SLC30A4: variants seen among roughly 807,000 people sequenced by gnomAD.
The protein encoded by SLC30A4 is solute carrier family 30 member 4.
SLC30A4 carries 20 observed loss-of-function variants against 41.7 expected under a neutral mutation model. The ratio of observed to expected loss-of-function variants is 0.48; its 90% CI spans 0.34 to 0.70. The LOEUF (loss-of-function observed/expected upper bound fraction) is 0.70, where lower values mean the gene tolerates loss of function less well. Among genes scored for constraint, SLC30A4 ranks in the 30% least tolerant of loss-of-function variants. The pLI, the probability that SLC30A4 is intolerant of heterozygous loss-of-function variation, is 0.01. For missense variants in SLC30A4, 441 were observed against 529.3 expected, an observed-to-expected ratio of 0.83 and a Z score of 1.64; for synonymous variants, 181 against 195.9, an observed-to-expected ratio of 0.92 and a Z score of 0.64.
chr15:45,514,762 G>A (rs559379690), intron 2 of SLC30A4, among the ~76,000 whole-genome samples: 81 of 152,178 alleles, frequency 5.3e-4, no homozygotes, highest in Admixed American at 1.3e-3. Context: ...TGATCTGCCC[G>A]CCTTGGCGTC....
chr15:45,515,872 C>G (rs1300499312), intron 2 of SLC30A4: 2 of 152,006 alleles, frequency 1.3e-5, no homozygotes, highest in African/African-American at 4.8e-5. Context: ...ACCTTAGCCT[C>G]CTAAGTAGCT....
chr15:45,522,297 G>C lies in SLC30A4; in HGVS notation c.58C>G (p.Pro20Ala). The change falls in exon 2 of 8, where the codon CCG (proline) becomes GCG (alanine). Residue 20 changes from proline to alanine, a missense_variant. By Grantham distance (27) the Pro-to-Ala change is conservative. This residue lies in a region of SLC30A4 where 312 missense variants were observed against 341.9 expected (regional missense o/e 0.91). Transcript: ENST00000261867. The stretch of plus-strand genomic sequence containing the variant: ...GCGCTGGTGTCATTTAAAAACAGCG[G>C]CGCATCATCCTTCCTTAGCATAGAT... ...LKSMLRKDDA[P>A]LFLNDTSAFD... 6.2e-7 allele frequency: 1 copy of C among 1,614,094 alleles called. No individual in the cohort carries two copies.
At chr15:45,515,176 C>T (rs535860059) in intron 2 of SLC30A4, among the ~76,000 whole-genome samples, 2 of 151,838 alleles carry the variant, frequency 1.3e-5, no homozygotes, top group African/African-American at 4.8e-5. Context: ...AGCATGACAC[C>T]GTGCTTGGCT....
At chr15:45,514,427 A>C (rs1892402309) in intron 2 of SLC30A4, among the ~76,000 whole-genome samples, 1 of 151,644 alleles carries the variant, frequency 6.6e-6, no homozygotes, top group African/African-American at 2.4e-5. Flanking sequence ...CCTAAACCAT[A>C]AACTATAGTG....
At chr15:45,502,355 G>T (rs1482943760) in intron 3 of SLC30A4, 1 of 151,084 alleles carries the variant, frequency 6.6e-6, no homozygotes, top group Non-Finnish European at 1.5e-5. Flanking sequence ...AAAGTGCTGG[G>T]ATTACAGGCA....
intron 3 of SLC30A4, among the ~76,000 whole-genome samples, chr15:45,493,653 CTA>C (rs1368096305): frequency 6.6e-6 from 1 of 152,082 alleles, no homozygotes; most frequent in Admixed American, 6.6e-5. Flanking sequence ...TGGTGAAACA[CTA>C]TCTCTACTAA....
At chr15:45,502,241 A>G in intron 3 of SLC30A4, 1 of 151,740 alleles carries the variant, frequency 6.6e-6, no homozygotes. Flanking sequence ...AGCTGGGATT[A>G]TAAGCATGTG....
At chr15:45,496,590 G>A (rs1891910789) in intron 3 of SLC30A4, among the ~76,000 whole-genome samples, 1 of 152,180 alleles carries the variant, frequency 6.6e-6, no homozygotes, top group South Asian at 2.1e-4. Flanking sequence ...GTATCACTAT[G>A]TTGGCCAGGT....
intron 3 of SLC30A4, among the ~76,000 whole-genome samples, chr15:45,492,563 T>C (rs1393915216): frequency 6.6e-6 from 1 of 152,096 alleles, no homozygotes; most frequent in Non-Finnish European, 1.5e-5. Flanking sequence ...TTGTATATAA[T>C]AGCAAATTAT....
intron 6 of SLC30A4, 47 bp downstream of exon 6, chr15:45,487,480 C>A: frequency 1.1e-6 from 1 of 951,880 alleles, no homozygotes; most frequent in Non-Finnish European, 1.7e-6. Flanking sequence ...TCCCAATCTG[C>A]TTTAGGGAAG....
intron 3 of SLC30A4, among the ~76,000 whole-genome samples, chr15:45,503,817 A>G (rs996406021): frequency 6.6e-6 from 1 of 151,984 alleles, no homozygotes; most frequent in African/African-American, 2.4e-5. Context: ...GTGGTGGCAC[A>G]TGCCTGTAAT....
intron 2 of SLC30A4, among the ~76,000 whole-genome samples, chr15:45,513,285 A>C (rs2140853575): frequency 6.6e-6 from 1 of 150,416 alleles, no homozygotes; most frequent in Admixed American, 6.7e-5. Flanking sequence ...AACTCACTGC[A>C]GCCTCAACCT....
intron 3 of SLC30A4, 77 bp from the exon 4 acceptor site, chr15:45,490,958 T>C (rs1054420800): frequency 3.2e-6 from 3 of 944,602 alleles, no homozygotes; most frequent in South Asian, 2.5e-5. Context: ...TATTATATAG[T>C]CTTTTTTATA....
intron 7 of SLC30A4, 87 bp downstream of exon 7, chr15:45,486,524 C>A: frequency 8.3e-7 from 1 of 1,209,704 alleles, no homozygotes; most frequent in South Asian, 1.6e-5. Flanking sequence ...GCAGAAAAGT[C>A]TTCCTACATA....
At chr15:45,512,492 G>A (rs935038823) in intron 2 of SLC30A4, 1 of 152,346 alleles carries the variant, frequency 6.6e-6, no homozygotes. Context: ...CCTGAGCTGG[G>A]TGTGTAGAGA....
intron 3 of SLC30A4, among the ~76,000 whole-genome samples, chr15:45,506,470 A>C (rs1259815128): frequency 6.6e-6 from 1 of 152,092 alleles, no homozygotes; most frequent in East Asian, 1.9e-4. Flanking sequence ...TCCAAATGTA[A>C]ATATATCTCT....
intron 3 of SLC30A4, among the ~76,000 whole-genome samples, chr15:45,503,960 T>A (rs1254193857): frequency 2.0e-5 from 3 of 151,728 alleles, no homozygotes; most frequent in Admixed American, 6.6e-5. Flanking sequence ...AATAAATAAA[T>A]AAATAAATAA....
chr15:45,485,717 T>C, intron 7 of SLC30A4, among the ~76,000 whole-genome samples: 1 of 151,868 alleles, frequency 6.6e-6, no homozygotes, highest in East Asian at 1.9e-4. Flanking sequence ...AAATATTCTT[T>C]CTTTTTTTTT....
intron 2 of SLC30A4, chr15:45,519,600 A>G (rs1892603186): frequency 6.6e-6 from 1 of 152,210 alleles, no homozygotes; most frequent in Non-Finnish European, 1.5e-5. Flanking sequence ...CCTAAGTACT[A>G]CTATCATCTC....
Sources: gnomAD v4.1 joint callset for allele counts (sites outside exome capture counted in the v4.1 genomes callset) on GRCh38, gnomAD v4.1.1 for gene constraint, gnomAD v4.1.1 regional missense constraint, MANE v1.5 for transcripts, NCBI Gene and HGNC (gene_info 2026-07-23, HGNC 2026-07-21) for gene names.